Variants in CEP70 observed in about 807,000 individuals in gnomAD.
CEP70 encodes centrosomal protein 70.
CEP70 carries 70 observed loss-of-function variants against 90.9 expected under a neutral mutation model. The ratio of observed to expected loss-of-function variants is 0.77; its 90% CI spans 0.64 to 0.94. The LOEUF (loss-of-function observed/expected upper bound fraction) is 0.94, where lower values mean the gene tolerates loss of function less well. Among genes scored for constraint, CEP70 ranks in the 40% least tolerant of loss-of-function variants. CEP70 has a pLI of 0.00. For synonymous variants in CEP70, 220 were observed against 228.3 expected (o/e 0.96, Z 0.33); for missense variants, 648 against 669.0 (o/e 0.97, Z 0.35).
rs372060625 is a variant in CEP70, at chr3:138,537,315, C to T, written c.498G>A (p.Thr166=). ...VKCQHYKKKR[T]EQEETIASLQ... is the part of the protein sequence containing the mutation. ...AAGAAGCAATAGTTTCTTCTTGCTC[C>T]GTTCGTTTTTTCTTATAATGCTGGC... The change falls in exon 7 of 18, where the codon ACG becomes ACA. Residue 166 remains threonine (T), a synonymous_variant. Transcript: ENST00000264982. 37 of 1,596,728 alleles carry T rather than the reference C, an allele frequency of 2.3e-5. No homozygotes were observed. In the East Asian group the frequency reaches 2.5e-4, roughly 11 times the overall value.
At chr3:138,539,095 T>G (rs1576722060) in intron 6 of CEP70, among the ~76,000 whole-genome samples, 1 of 152,262 alleles carries the variant, frequency 6.6e-6, no homozygotes, top group East Asian at 1.9e-4. Flanking sequence ...TTACTGCAAC[T>G]TCCACGTCCT....
intron 2 of CEP70, among the ~76,000 whole-genome samples, chr3:138,577,248 G>A (rs556780117): frequency 2.0e-5 from 3 of 152,164 alleles, no homozygotes; most frequent in Admixed American, 6.5e-5. Context: ...TAATGTAAAC[G>A]ACGAGTTAAT....
intron 2 of CEP70, among the ~76,000 whole-genome samples, chr3:138,580,651 G>A (rs1252048501): frequency 6.6e-6 from 1 of 151,952 alleles, no homozygotes; most frequent in Non-Finnish European, 1.5e-5. Flanking sequence ...CCATCCAGGA[G>A]AACATGACCT....
At chr3:138,566,220 T>A (rs113538373) in intron 6 of CEP70, among the ~76,000 whole-genome samples, 67 of 152,300 alleles carry the variant, frequency 4.4e-4, no homozygotes, top group African/African-American at 1.6e-3. Context: ...ACTTTTACAC[T>A]GTTGGTGGGG....
intron 8 of CEP70, chr3:138,531,467 C>T (rs1282556375): frequency 1.3e-5 from 2 of 152,128 alleles, no homozygotes; most frequent in African/African-American, 4.8e-5. Flanking sequence ...TTGGAACACA[C>T]CTGTGCCAAT....
intron 6 of CEP70, among the ~76,000 whole-genome samples, chr3:138,557,058 G>A (rs1291963737): frequency 6.6e-6 from 1 of 152,154 alleles, no homozygotes; most frequent in African/African-American, 2.4e-5. Context: ...ATAGAAGACA[G>A]CCACACCCAA....
rs150895459 is a variant in CEP70, at chr3:138,516,102, C to G, written c.945-7558G>C. ...TCCAAACTCATATAATGGCTACTCT[C>G]CCACGATTGTACGTTTAGTACTTAT... On this transcript the variant is annotated intron_variant, in intron 11 of 17. Coordinates refer to ENST00000264982, the MANE Select transcript of CEP70 (RefSeq NM_024491.4). Among the ~76,000 whole-genome samples the G allele has an allele frequency of 2.8e-3, 434 of 152,322 alleles. 1 individual carries two copies. Among genetic ancestry groups the G allele is most frequent in the Middle Eastern group, 0.01 (3 of 294 alleles).
At chr3:138,506,382 A>T (rs1309917112) in intron 12 of CEP70, among the ~76,000 whole-genome samples, 1 of 152,154 alleles carries the variant, frequency 6.6e-6, no homozygotes, top group African/African-American at 2.4e-5. Flanking sequence ...AATTTTAGGT[A>T]TCTTAATATA....
intron 2 of CEP70, among the ~76,000 whole-genome samples, chr3:138,579,280 T>C (rs2041722090): frequency 6.6e-6 from 1 of 152,012 alleles, no homozygotes; most frequent in Admixed American, 6.6e-5. Context: ...TGAAACACTA[T>C]CTAGGCCACA....
chr3:138,503,896 T>C (rs1280714906), intron 13 of CEP70, among the ~76,000 whole-genome samples: 2 of 152,216 alleles, frequency 1.3e-5, no homozygotes, highest in Non-Finnish European at 2.9e-5. Flanking sequence ...ATATAAATGA[T>C]TACATTTTGT....
chr3:138,557,352 C>A (rs1359239470), intron 6 of CEP70, among the ~76,000 whole-genome samples: 2 of 152,082 alleles, frequency 1.3e-5, no homozygotes, highest in African/African-American at 4.8e-5. Context: ...ATCACAGGGT[C>A]CTGAGGCGAC....
chr3:138,529,469 A>C lies in CEP70; in HGVS notation c.693-7T>G. On this transcript the variant is annotated splice_region_variant and splice_polypyrimidine_tract_variant and intron_variant, in intron 8 of 17. Transcript: ENST00000264982. ...TTCATCTTCTTTATATTGCCTATGAAAATATGTATGCAGTATACTTATGAA... is the reference window on the plus strand; with the variant it reads ...TTCATCTTCTTTATATTGCCTATGACAATATGTATGCAGTATACTTATGAA... The C allele has an allele frequency of 6.5e-7, 1 of 1,543,920 alleles. No individual in the cohort carries two copies. Among genetic ancestry groups the C allele is most frequent in the South Asian group, 1.1e-5 (1 of 87,278 alleles).
At chr3:138,498,592 C>T (rs2034175466) in intron 16 of CEP70, among the ~76,000 whole-genome samples, 1 of 151,762 alleles carries the variant, frequency 6.6e-6, no homozygotes, top group Non-Finnish European at 1.5e-5. Flanking sequence ...CCTCGGCCTC[C>T]CAAAGTGCTG....
At chr3:138,539,017 T>G (rs1255005724) in intron 6 of CEP70, among the ~76,000 whole-genome samples, 2 of 152,310 alleles carry the variant, frequency 1.3e-5, no homozygotes, top group South Asian at 4.1e-4. Context: ...TTATCATTGT[T>G]TTCGTTTGTT....
intron 2 of CEP70, among the ~76,000 whole-genome samples, chr3:138,579,697 C>CT (rs1476796824): frequency 4.0e-5 from 6 of 151,830 alleles, no homozygotes; most frequent in African/African-American, 1.5e-4. Context: ...CCCTTGGGCA[C>CT]TGAATAATCA....
At chr3:138,526,303 G>A (rs1245225398) in intron 10 of CEP70, among the ~76,000 whole-genome samples, 3 of 152,004 alleles carry the variant, frequency 2.0e-5, no homozygotes, top group Non-Finnish European at 2.9e-5. Context: ...TGGGACTACC[G>A]ATGCGTACCA....
At position 138,572,950 on chromosome 3, in the gene CEP70, G is replaced by A; in HGVS notation, c.-5-18C>T. 6.3e-7 allele frequency: 1 copy of A among 1,579,208 alleles called. No individual in the cohort carries two copies. Among genetic ancestry groups the A allele is most frequent in the Non-Finnish European group, 8.6e-7 (1 of 1,160,726 alleles). On this transcript the variant is annotated intron_variant, in intron 2 of 17. Transcript: ENST00000264982. ...CATAGTTACTTTTGTAGAATCAAAAGAAACAGAAATTGGCAATTAAAAAAT... is the reference window on the plus strand; with the variant it reads ...CATAGTTACTTTTGTAGAATCAAAAAAAACAGAAATTGGCAATTAAAAAAT...
intron 3 of CEP70, among the ~76,000 whole-genome samples, chr3:138,572,160 C>T (rs1237321041): frequency 6.6e-6 from 1 of 152,190 alleles, no homozygotes; most frequent in Admixed American, 6.5e-5. Context: ...TCAGACAGCT[C>T]CTTGTCAAAT....
At chr3:138,515,032 A>G (rs919389463) in intron 11 of CEP70, among the ~76,000 whole-genome samples, 6 of 152,166 alleles carry the variant, frequency 3.9e-5, no homozygotes, top group Admixed American at 2.6e-4. Flanking sequence ...AAGTCACTCG[A>G]AAGACCGGAG....
Sources: gnomAD v4.1 joint callset for allele counts (sites outside exome capture counted in the v4.1 genomes callset) on GRCh38, gnomAD v4.1.1 for gene constraint, MANE v1.5 for transcripts, NCBI Gene and HGNC (gene_info 2026-07-23, HGNC 2026-07-21) for gene names.